TRAK2: variants seen among roughly 807,000 people sequenced by gnomAD.
The protein encoded by TRAK2 is trafficking kinesin protein 2, also known as trafficking kinesin-binding protein 2.
Under a neutral mutation model 104.6 loss-of-function variants are expected in TRAK2, and 81 were observed. The observed-to-expected ratio is 0.77, with a 90% CI of 0.65 to 0.93. The LOEUF (loss-of-function observed/expected upper bound fraction) is 0.93, where lower values mean the gene tolerates loss of function less well. TRAK2 is among the 40% of genes least tolerant of loss of function. The probability of loss-of-function intolerance (pLI) is 0.00; values close to 1 mark genes in which losing one functional copy is unlikely to be tolerated. For synonymous variants in TRAK2, 406 were observed against 394.4 expected (o/e 1.03, Z -0.35); for missense variants, 1,002 against 1,089.0 (o/e 0.92, Z 1.12).
At chr2:201,409,109 T>C (rs536863375) in intron 2 of TRAK2, among the ~76,000 whole-genome samples, 1 of 152,306 alleles carries the variant, frequency 6.6e-6, no homozygotes, top group East Asian at 1.9e-4. Context: ...TATACCACAA[T>C]GTGACACTGG....
chr2:201,386,595 A>C (rs949702912), intron 13 of TRAK2, 111 bp from the exon 14 acceptor site: 1 of 1,351,370 alleles, frequency 7.4e-7, no homozygotes, highest in Non-Finnish European at 1.0e-6. Context: ...CAATAAAACT[A>C]TTTATTTGGT....
intron 1 of TRAK2, 110 bp downstream of exon 1, chr2:201,451,240 G>C (rs1420209552): frequency 1.3e-5 from 2 of 152,354 alleles, no homozygotes; most frequent in African/African-American, 4.8e-5. Context: ...CGGCTCCGAC[G>C]TCCGCGCGTG....
intron 12 of TRAK2, among the ~76,000 whole-genome samples, chr2:201,388,675 G>T (rs1951414802): frequency 6.6e-6 from 1 of 152,168 alleles, no homozygotes; most frequent in Non-Finnish European, 1.5e-5. Context: ...TGGGATACTG[G>T]GGTATAAATC....
At chr2:201,401,571 T>TA (rs1951551113) in intron 3 of TRAK2, among the ~76,000 whole-genome samples, 1 of 152,136 alleles carries the variant, frequency 6.6e-6, no homozygotes, top group Admixed American at 6.5e-5. Context: ...TGAGCTAATG[T>TA]AAACAAGGAA....
intron 1 of TRAK2, among the ~76,000 whole-genome samples, chr2:201,442,777 T>C (rs1559456244): frequency 6.6e-6 from 1 of 152,244 alleles, no homozygotes; most frequent in African/African-American, 2.4e-5. Context: ...CTGAGAATTA[T>C]GGACAAACAT....
intron 9 of TRAK2, 53 bp downstream of exon 9, chr2:201,394,745 G>GA: frequency 7.2e-7 from 1 of 1,382,288 alleles, no homozygotes; most frequent in South Asian, 1.2e-5. Flanking sequence ...GAAGATGAAA[G>GA]AAACTAGTCA....
At chr2:201,431,482 C>G (rs769520442) in intron 1 of TRAK2, among the ~76,000 whole-genome samples, 55 of 152,290 alleles carry the variant, frequency 3.6e-4, no homozygotes, top group Non-Finnish European at 5.7e-4. Flanking sequence ...AGGGTTTCTT[C>G]CACCATCTTC....
chr2:201,415,792 T>C (rs1246447662), intron 2 of TRAK2, among the ~76,000 whole-genome samples: 1 of 151,958 alleles, frequency 6.6e-6, no homozygotes, highest in Non-Finnish European at 1.5e-5. Context: ...AGAAAAAATA[T>C]TTGAAAAAAT....
At chr2:201,381,256 A>G in intron 15 of TRAK2, 38 bp from the exon 16 acceptor site, 1 of 1,534,552 alleles carries the variant, frequency 6.5e-7, no homozygotes, top group Non-Finnish European at 8.8e-7. Flanking sequence ...ACAGTGTTTA[A>G]GAATAAAAAG....
At chr2:201,441,387 T>G (rs1951918831) in intron 1 of TRAK2, among the ~76,000 whole-genome samples, 1 of 152,216 alleles carries the variant, frequency 6.6e-6, no homozygotes, top group East Asian at 1.9e-4. Context: ...TGATCATGAA[T>G]GCATTTAAAA....
chr2:201,382,927 A>G (rs1951356574), intron 15 of TRAK2, among the ~76,000 whole-genome samples: 1 of 152,140 alleles, frequency 6.6e-6, no homozygotes, highest in South Asian at 2.1e-4. Context: ...CTTACTCTTG[A>G]TTCCCCTTTG....
At chr2:201,424,928 CTGTGAGTTAAGAATGATTTTTATACT>C (rs1490114097) in intron 1 of TRAK2, among the ~76,000 whole-genome samples, 1 of 152,114 alleles carries the variant, frequency 6.6e-6, no homozygotes, top group Non-Finnish European at 1.5e-5. Flanking sequence ...TTTGTACAAC[CTGTGAGTTAAGAATGATTTTTATACT>C]TTCAAATGGC....
chr2:201,400,791 G>T (rs1218877497), intron 4 of TRAK2, among the ~76,000 whole-genome samples: 1 of 151,922 alleles, frequency 6.6e-6, no homozygotes, highest in African/African-American at 2.4e-5. Flanking sequence ...GGGGAGGCAA[G>T]TCAACACCAT....
chr2:201,438,850 G>A (rs1951898639), intron 1 of TRAK2, among the ~76,000 whole-genome samples: 2 of 152,212 alleles, frequency 1.3e-5, no homozygotes, highest in African/African-American at 4.8e-5. Flanking sequence ...ATCTGTGTGT[G>A]TGTTGTATGT....
chr2:201,388,747 C>T (rs1365670732), intron 12 of TRAK2, among the ~76,000 whole-genome samples: 1 of 152,196 alleles, frequency 6.6e-6, no homozygotes, highest in African/African-American at 2.4e-5. Context: ...CAGTAGGACA[C>T]AAAGCTGCTG....
intron 1 of TRAK2, among the ~76,000 whole-genome samples, chr2:201,439,024 TA>T (rs1286225044): frequency 6.6e-6 from 1 of 152,200 alleles, no homozygotes; most frequent in East Asian, 1.9e-4. Context: ...GGAACATAGA[TA>T]AAAAATAAAT....
chr2:201,425,714 CTT>C (rs200294169), intron 1 of TRAK2, among the ~76,000 whole-genome samples: 4 of 102,062 alleles, frequency 3.9e-5, no homozygotes, highest in Non-Finnish European at 9.1e-5. Flanking sequence ...GAAAGCATTG[CTT>C]TTTTTTTTTA....
At chr2:201,416,799 G>A (rs1213762368) in intron 2 of TRAK2, among the ~76,000 whole-genome samples, 2 of 151,822 alleles carry the variant, frequency 1.3e-5, no homozygotes, top group Admixed American at 6.6e-5. Flanking sequence ...GCAACCTGGA[G>A]CAAGCAGTGA....
At position 201,412,390 on chromosome 2, in the gene TRAK2, A is replaced by G; in HGVS notation, c.92-4793T>C. 2.3e-6 allele frequency: 3 copies of G among 1,332,576 alleles called. No individual in the cohort carries two copies. The South Asian group carries it at 3.5e-5, about 16-fold the overall frequency. The allele number at this position is 1,332,576 out of a possible 1,614,324, so 82.5% of individuals were successfully genotyped here. A position where few individuals can be genotyped will look rare whatever the true frequency, so the allele number is the denominator to read the frequency against. ...TGGTCTTACAGTTGGAGTTACATTTAACAGTAGCCTTACATGTTCACGAAC... is the reference window on the plus strand; with the variant it reads ...TGGTCTTACAGTTGGAGTTACATTTGACAGTAGCCTTACATGTTCACGAAC... On this transcript the variant is annotated intron_variant, in intron 2 of 15. Transcript: ENST00000332624.
Sources: gnomAD v4.1 joint callset for allele counts (sites outside exome capture counted in the v4.1 genomes callset) on GRCh38, gnomAD v4.1.1 for gene constraint, MANE v1.5 for transcripts, NCBI Gene and HGNC (gene_info 2026-07-23, HGNC 2026-07-21) for gene names.